Variants in ADA observed in about 807,000 individuals in gnomAD.
ADA encodes the protein adenosine deaminase.
In ADA, 45 loss-of-function variants were observed where a neutral mutation model predicts 49.0. The observed-to-expected ratio is 0.92, with a 90% CI of 0.72 to 1.18. The LOEUF (loss-of-function observed/expected upper bound fraction) is 1.18. Ranked by LOEUF, ADA falls within the 50% of genes most tolerant of loss-of-function variation. The pLI is 0.00. For missense variants in ADA, 445 were observed against 472.5 expected (o/e 0.94, Z 0.54); for synonymous variants, 173 against 184.2 (o/e 0.94, Z 0.49).
intron 2 of ADA, among the ~76,000 whole-genome samples, chr20:44,632,394 A>G (rs551356485): frequency 6.6e-6 from 1 of 152,092 alleles, no homozygotes; most frequent in Non-Finnish European, 1.5e-5. Flanking sequence ...ACTAGCATGA[A>G]ATAATTTACC....
chr20:44,620,889 G>T lies in ADA; in HGVS notation c.975+129C>A, dbSNP rs1226098410. ...TGTCTTCTCTGTGGAAAGTGTCTAG[G>T]TTGGGCTTGTCTTGGACTGTTGAGG... On this transcript the variant is annotated intron_variant, in intron 10 of 11. Coordinates refer to ENST00000372874, the MANE Select transcript of ADA (RefSeq NM_000022.4). 7 of 1,277,188 alleles carry T rather than the reference G, an allele frequency of 5.5e-6. No individual in the cohort carries two copies. The African/African-American group carries it at 7.3e-5, about 13-fold the overall frequency. The allele number at this position is 1,277,188 out of a possible 1,614,324, so 79.1% of individuals were successfully genotyped here.
intron 1 of ADA, among the ~76,000 whole-genome samples, chr20:44,640,311 G>A (rs1222287875): frequency 6.6e-6 from 1 of 151,980 alleles, no homozygotes; most frequent in African/African-American, 2.4e-5. Context: ...CTACTCAGGA[G>A]ACTGAGGTAG....
At chr20:44,629,697 G>A (rs1436358126) in intron 2 of ADA, among the ~76,000 whole-genome samples, 1 of 152,188 alleles carries the variant, frequency 6.6e-6, no homozygotes, top group African/African-American at 2.4e-5. Context: ...CACTGGGAGA[G>A]GGCCGGTGGA....
chr20:44,633,828 A>G (rs1347531879), intron 2 of ADA, among the ~76,000 whole-genome samples: 1 of 152,256 alleles, frequency 6.6e-6, no homozygotes, highest in Non-Finnish European at 1.5e-5. Context: ...AGGACAGTTA[A>G]TGAGGCAGGC....
At chr20:44,626,755 A>C (rs986745068) in intron 3 of ADA, among the ~76,000 whole-genome samples, 156 bp from the exon 4 acceptor site, 9 of 152,064 alleles carry the variant, frequency 5.9e-5, no homozygotes, top group African/African-American at 2.2e-4. Flanking sequence ...GACACTGGGC[A>C]AGTCCTATCA....
chr20:44,642,065 G>A (rs1344527225), intron 1 of ADA, among the ~76,000 whole-genome samples: 1 of 152,120 alleles, frequency 6.6e-6, no homozygotes, highest in Non-Finnish European at 1.5e-5. Context: ...GCCTTACCCT[G>A]CCTGGCAAAA....
At chr20:44,622,706 TC>T in intron 8 of ADA, 54 bp from the exon 9 acceptor site, 1 of 1,612,694 alleles carries the variant, frequency 6.2e-7, no homozygotes, top group East Asian at 2.2e-5. Flanking sequence ...TGCTGATTCC[TC>T]CCCCCATGTC....
chr20:44,629,839 G>A (rs943186496), intron 2 of ADA, among the ~76,000 whole-genome samples: 1 of 152,162 alleles, frequency 6.6e-6, no homozygotes, highest in African/African-American at 2.4e-5. Flanking sequence ...CCTCTGGCTT[G>A]GAGCCTCCAT....
Position 44,622,863 on chromosome 20 carries a change from TA to T in ADA, c.745del (p.Tyr249IlefsTer62), listed in dbSNP as rs2065345877. On this transcript the variant is annotated frameshift_variant, in exon 8 of 12. Coordinates refer to ENST00000372874, the MANE Select transcript of ADA (RefSeq NM_000022.4). LOFTEE classifies it high-confidence loss of function. ...CATGTTTTCCTGCCGCAGCCTGTTA[TA>T]AAGGGCCTGGTCTTCCAGGGTGTGG... ...GYHTLEDQAL[Y>X]NRLRQENMHF... 3 of 1,614,218 alleles carry T rather than the reference TA, an allele frequency of 1.9e-6. No individual in the cohort carries two copies. The East Asian group carries it at 6.7e-5, about 36-fold the overall frequency.
At chr20:44,629,996 TC>T (rs60289623) in intron 2 of ADA, among the ~76,000 whole-genome samples, 23 of 144,156 alleles carry the variant, frequency 1.6e-4, no homozygotes, top group Admixed American at 9.0e-4. Context: ...AGCCTCAGTT[TC>T]CCCCCCCTTT....
intron 1 of ADA, among the ~76,000 whole-genome samples, chr20:44,641,400 G>T (rs1362876618): frequency 6.6e-6 from 1 of 152,222 alleles, no homozygotes; most frequent in Non-Finnish European, 1.5e-5. Flanking sequence ...GGTAAGAAGA[G>T]GAAGAAGGTT....
At chr20:44,636,426 GA>G in intron 1 of ADA, 138 bp from the exon 2 acceptor site, 1 of 740,556 alleles carries the variant, frequency 1.4e-6, no homozygotes, top group Non-Finnish European at 2.3e-6. Flanking sequence ...GCTGGCTGCT[GA>G]CCCCATATAC....
intron 1 of ADA, among the ~76,000 whole-genome samples, chr20:44,641,479 G>A (rs1281045372): frequency 2.0e-5 from 3 of 152,156 alleles, no homozygotes; most frequent in Admixed American, 1.3e-4. Context: ...ACGTGCATGT[G>A]GGTCAAGAGA....
intron 4 of ADA, chr20:44,626,226 G>A: frequency 1.6e-6 from 1 of 642,906 alleles, no homozygotes; most frequent in East Asian, 2.8e-5. Flanking sequence ...GCCAGAGCAA[G>A]ACACAGCCAA....
intron 2 of ADA, 92 bp from the exon 3 acceptor site, chr20:44,629,261 C>T: frequency 1.3e-6 from 2 of 1,579,934 alleles, no homozygotes; most frequent in Non-Finnish European, 8.6e-7. Flanking sequence ...GAGCGCCAGC[C>T]TCCTTGCAGG....
intron 4 of ADA, 170 bp downstream of exon 4, chr20:44,626,286 A>G (rs771314441): frequency 1.5e-4 from 135 of 903,154 alleles, no homozygotes; most frequent in Non-Finnish European, 2.0e-4. Flanking sequence ...GATGGGAACC[A>G]CGTCTCTTGT....
At position 44,636,233 on chromosome 20, in the gene ADA, T is replaced by C. The variant is rs759080719; in HGVS notation, c.89A>G (p.Tyr30Cys). ...GSIKPETILY[Y>C]GRRRGIALPA... ...CTCTTCTGTATGGACTTACCTGCCA[T>C]AGTATAAGATGGTTTCAGGCTTGAT... Residue 30 changes from tyrosine to cysteine, a missense_variant, in exon 2 of 12, where the codon TAT (tyrosine) becomes TGT (cysteine). Coordinates refer to ENST00000372874, the MANE Select transcript of ADA (RefSeq NM_000022.4). 2.8e-5 allele frequency: 45 copies of C among 1,609,940 alleles called. No homozygotes were observed. Among genetic ancestry groups the C allele is most frequent in the African/African-American group, 6.7e-5 (5 of 74,810 alleles).
intron 1 of ADA, among the ~76,000 whole-genome samples, chr20:44,650,450 C>T (rs560079022): frequency 1.3e-5 from 2 of 151,878 alleles, no homozygotes; most frequent in South Asian, 2.1e-4. Context: ...TTTTTTGAGA[C>T]AGGGTCTCGC....
At chr20:44,637,976 G>C (rs2065495740) in intron 1 of ADA, among the ~76,000 whole-genome samples, 1 of 152,210 alleles carries the variant, frequency 6.6e-6, no homozygotes, top group South Asian at 2.1e-4. Context: ...TGTGACCTCA[G>C]GCAAGGGACC....
Sources: gnomAD v4.1 joint callset for allele counts (sites outside exome capture counted in the v4.1 genomes callset) on GRCh38, gnomAD v4.1.1 for gene constraint, MANE v1.5 for transcripts, NCBI Gene and HGNC (gene_info 2026-07-23, HGNC 2026-07-21) for gene names.